Variants in TSPAN8 observed in about 807,000 individuals in gnomAD.
TSPAN8 encodes tetraspanin-8.
A neutral mutation model predicts 32.8 loss-of-function variants in TSPAN8; 21 were observed. The observed-to-expected ratio is 0.64, with a 90% confidence interval of 0.45 to 0.92. TSPAN8 has a LOEUF of 0.92. Among genes scored for constraint, TSPAN8 ranks in the 40% least tolerant of loss-of-function variants. The pLI, the probability that TSPAN8 is intolerant of heterozygous loss-of-function variation, is 0.00. For synonymous variants in TSPAN8, 95 were observed against 94.6 expected, an observed-to-expected ratio of 1.00 and a Z score of -0.03; for missense variants, 269 against 281.9, an observed-to-expected ratio of 0.95 and a Z score of 0.33.
intron 2 of TSPAN8, among the ~76,000 whole-genome samples, chr12:71,154,989 T>C (rs1172863906): frequency 6.6e-6 from 1 of 152,202 alleles, no homozygotes; most frequent in Non-Finnish European, 1.5e-5. Context: ...ATGGAGCTGA[T>C]CTATTGTTTC....
At position 71,132,752 on chromosome 12, in the gene TSPAN8, C is replaced by A. The variant is rs750722789; in HGVS notation, c.517G>T (p.Ala173Ser). 2 of 1,613,926 alleles carry A rather than the reference C, an allele frequency of 1.2e-6. 1 individual carries two copies. Among genetic ancestry groups the A allele is most frequent in the South Asian group, 2.2e-5 (2 of 91,082 alleles). Residue 173 changes from alanine (A) to serine (S), a missense_variant, in exon 7 of 9, where the codon GCC (alanine) becomes TCC (serine). Coordinates refer to ENST00000247829, the MANE Select transcript of TSPAN8 (RefSeq NM_004616.3). ...CATGGTCTCTGCTTATCTAGACAGG[C>A]ACATAATTCAGGATAGTGTTGAAAA... ...NNFQHYPELC[A>S]CLDKQRPCQS...
chr12:71,138,091 A>G (rs369580919), intron 5 of TSPAN8, 31 bp from the exon 6 acceptor site: 19 of 1,611,772 alleles, frequency 1.2e-5, no homozygotes, highest in Non-Finnish European at 1.6e-5. Context: ...TACATTATTC[A>G]CGCCACAAGG....
At chr12:71,139,924 T>C in intron 3 of TSPAN8, 76 bp from the exon 4 acceptor site, 1 of 1,366,058 alleles carries the variant, frequency 7.3e-7, no homozygotes, top group Non-Finnish European at 9.7e-7. Context: ...AAATATCCAT[T>C]GAGTGCCTCC....
In TSPAN8 at chr12:71,128,270, A is replaced by T. The variant is rs143703763; in HGVS notation, c.660+1061T>A. Among the ~76,000 whole-genome samples, 137 of 152,316 alleles carry T rather than the reference A, an allele frequency of 9.0e-4. 2 individuals are homozygous for T. The East Asian group carries it at 0.026, about 29-fold the overall frequency. On this transcript the variant is annotated intron_variant, in intron 8 of 8. Coordinates refer to ENST00000247829, the MANE Select transcript of TSPAN8 (RefSeq NM_004616.3). ...ACCTTTCTCTAATAGCTGCCTGGGA[A>T]ATTCCACCAGCAAACTAAATAACCA...
chr12:71,137,857 G>A, intron 6 of TSPAN8, 96 bp downstream of exon 6: 16 of 1,131,372 alleles, frequency 1.4e-5, no homozygotes, highest in Non-Finnish European at 1.9e-5. Context: ...CTGCAAAATG[G>A]AGACATTTTT....
chr12:71,133,884 C>G (rs1417381843), intron 6 of TSPAN8, among the ~76,000 whole-genome samples: 2 of 152,032 alleles, frequency 1.3e-5, no homozygotes. Flanking sequence ...GGGGAAAACA[C>G]TTCGTGCAGA....
chr12:71,132,608 T>C, intron 7 of TSPAN8, 85 bp downstream of exon 7: 1 of 1,456,276 alleles, frequency 6.9e-7, no homozygotes, highest in Non-Finnish European at 9.4e-7. Flanking sequence ...TGGTACTCCA[T>C]GCATTTTAAT....
intron 6 of TSPAN8, among the ~76,000 whole-genome samples, chr12:71,136,834 G>A (rs999030207): frequency 2.0e-5 from 3 of 152,148 alleles, no homozygotes; most frequent in Non-Finnish European, 4.4e-5. Flanking sequence ...GTAAAATAGG[G>A]TTAATGAGGA....
intron 1 of TSPAN8, 60 bp from the exon 2 acceptor site, chr12:71,157,847 G>T: frequency 3.5e-6 from 2 of 574,472 alleles, no homozygotes; most frequent in Non-Finnish European, 6.2e-6. Flanking sequence ...TATTAAACTG[G>T]ATAAAAAAAT....
chr12:71,143,075 TC>T (rs1447461349), intron 3 of TSPAN8, among the ~76,000 whole-genome samples: 1 of 152,154 alleles, frequency 6.6e-6, no homozygotes, highest in Non-Finnish European at 1.5e-5. Context: ...GAATCAAAAT[TC>T]TTCTCAGAGA....
intron 2 of TSPAN8, among the ~76,000 whole-genome samples, chr12:71,155,366 G>GA (rs547326620): frequency 1.1e-4 from 17 of 150,298 alleles, no homozygotes; most frequent in African/African-American, 3.9e-4. Flanking sequence ...ATTGTCGTGT[G>GA]AAAAAAAAAG....
At chr12:71,149,130 T>C (rs1022709610) in intron 2 of TSPAN8, among the ~76,000 whole-genome samples, 14 of 152,132 alleles carry the variant, frequency 9.2e-5, no homozygotes, top group African/African-American at 3.4e-4. Flanking sequence ...TAGAATGTGC[T>C]GAGGCAGGTG....
chr12:71,150,548 CTTCTCTTTGTACTGT>C (rs1872220671), intron 2 of TSPAN8, among the ~76,000 whole-genome samples: 1 of 152,156 alleles, frequency 6.6e-6, no homozygotes, highest in South Asian at 2.1e-4. Flanking sequence ...CTGTAAAATT[CTTCTCTTTGTACTGT>C]TTCTCTTTAT....
At chr12:71,144,303 G>A in intron 2 of TSPAN8, 90 bp from the exon 3 acceptor site, 1 of 1,133,234 alleles carries the variant, frequency 8.8e-7, no homozygotes, top group Admixed American at 2.1e-5. Context: ...GGTGACAGTA[G>A]TTCATCATCG....
At chr12:71,142,132 G>T (rs1182353132) in intron 3 of TSPAN8, among the ~76,000 whole-genome samples, 1 of 152,054 alleles carries the variant, frequency 6.6e-6, no homozygotes. Flanking sequence ...TTGATTCTTT[G>T]TCACTGGCTT....
At chr12:71,140,133 C>A (rs1871855759) in intron 3 of TSPAN8, among the ~76,000 whole-genome samples, 1 of 152,092 alleles carries the variant, frequency 6.6e-6, no homozygotes, top group South Asian at 2.1e-4. Context: ...TTTTACTCTT[C>A]TTGATGTAAT....
chr12:71,138,695 T>C (rs1236908241), intron 4 of TSPAN8, among the ~76,000 whole-genome samples: 1 of 152,166 alleles, frequency 6.6e-6, no homozygotes, highest in South Asian at 2.1e-4. Context: ...GTTTGAAGGA[T>C]GCAGCCCAAA....
At chr12:71,146,638 C>T (rs1872087585) in intron 2 of TSPAN8, among the ~76,000 whole-genome samples, 1 of 152,052 alleles carries the variant, frequency 6.6e-6, no homozygotes, top group Admixed American at 6.6e-5. Flanking sequence ...GGTTCCAGGA[C>T]CCTGTGGAAC....
At chr12:71,142,459 T>TAC (rs990533074) in intron 3 of TSPAN8, among the ~76,000 whole-genome samples, 3 of 152,264 alleles carry the variant, frequency 2.0e-5, no homozygotes, top group Non-Finnish European at 4.4e-5. Context: ...AATTGCAGGC[T>TAC]ACACACACAT....
Sources: gnomAD v4.1 joint callset for allele counts (sites outside exome capture counted in the v4.1 genomes callset) on GRCh38, gnomAD v4.1.1 for gene constraint, MANE v1.5 for transcripts, NCBI Gene and HGNC (gene_info 2026-07-23, HGNC 2026-07-21) for gene names.